Variants in LRPPRC observed in about 807,000 individuals in gnomAD.
LRPPRC encodes the protein leucine-rich PPR motif-containing protein, mitochondrial.
In LRPPRC, 120 loss-of-function variants were observed where a neutral mutation model predicts 180.3. The ratio of observed to expected loss-of-function variants is 0.67; its 90% CI spans 0.57 to 0.77. The LOEUF (loss-of-function observed/expected upper bound fraction) is 0.77. Among genes scored for constraint, LRPPRC ranks in the 30% least tolerant of loss-of-function variants. The probability of loss-of-function intolerance (pLI) is 0.00; values close to 1 mark genes in which losing one functional copy is unlikely to be tolerated. For synonymous variants in LRPPRC, 723 were observed against 600.0 expected (o/e 1.21, Z -3.00); for missense variants, 2,012 against 1,657.2 (o/e 1.21, Z -3.72).
At chr2:43,914,266 A>G (rs1307003369) in intron 29 of LRPPRC, among the ~76,000 whole-genome samples, 2 of 152,152 alleles carry the variant, frequency 1.3e-5, no homozygotes, top group Non-Finnish European at 2.9e-5. Flanking sequence ...GCATTTTAAT[A>G]TACCAAACCC....
chr2:43,940,744 G>A (rs1672449302), intron 23 of LRPPRC, among the ~76,000 whole-genome samples: 1 of 152,084 alleles, frequency 6.6e-6, no homozygotes, highest in African/African-American at 2.4e-5. Context: ...ATATCTGATG[G>A]CCCAGACTTT....
chr2:43,951,313 T>G (rs1358151459), intron 14 of LRPPRC, among the ~76,000 whole-genome samples: 2 of 152,204 alleles, frequency 1.3e-5, no homozygotes, highest in Non-Finnish European at 2.9e-5. Context: ...ACAAAGAGCT[T>G]TAATTCCAAG....
At chr2:43,973,254 T>C (rs1175472730) in intron 11 of LRPPRC, among the ~76,000 whole-genome samples, 1 of 152,180 alleles carries the variant, frequency 6.6e-6, no homozygotes, top group African/African-American at 2.4e-5. Flanking sequence ...CCTAATTGTA[T>C]ATACAACTTT....
At chr2:43,929,098 C>T (rs1471396159) in intron 25 of LRPPRC, among the ~76,000 whole-genome samples, 1 of 152,150 alleles carries the variant, frequency 6.6e-6, no homozygotes, top group Non-Finnish European at 1.5e-5. Flanking sequence ...AAGTTTATGA[C>T]ATCTTTTTAC....
intron 23 of LRPPRC, among the ~76,000 whole-genome samples, chr2:43,937,682 G>T (rs1344595719): frequency 6.6e-6 from 1 of 152,174 alleles, no homozygotes; most frequent in Admixed American, 6.5e-5. Context: ...CACAACAGCT[G>T]AACTCAAGGA....
intron 34 of LRPPRC, among the ~76,000 whole-genome samples, chr2:43,898,424 C>T (rs1670765771): frequency 6.6e-6 from 1 of 152,180 alleles, no homozygotes; most frequent in Non-Finnish European, 1.5e-5. Flanking sequence ...CTCAATTTGA[C>T]ACAGGGAGTC....
chr2:43,966,559 C>A (rs1338305770), intron 11 of LRPPRC, among the ~76,000 whole-genome samples: 1 of 151,578 alleles, frequency 6.6e-6, no homozygotes, highest in Admixed American at 6.6e-5. Context: ...TACAGGCGCA[C>A]GCCACCACGC....
intron 3 of LRPPRC, among the ~76,000 whole-genome samples, chr2:43,978,729 G>A (rs1674169047): frequency 6.6e-6 from 1 of 151,940 alleles, no homozygotes; most frequent in Admixed American, 6.6e-5. Context: ...AAACTGTGAA[G>A]GAAGAATCTG....
Position 43,961,018 on chromosome 2 carries a change from C to T in LRPPRC, c.1489-384G>A, listed in dbSNP as rs986188438. Among the ~76,000 whole-genome samples the T allele has an allele frequency of 2.0e-5, 3 of 152,116 alleles. No individual in the cohort carries two copies. The South Asian group carries it at 6.2e-4, about 32-fold the overall frequency. On this transcript the variant is annotated intron_variant, in intron 12 of 37. Coordinates refer to ENST00000260665, the MANE Select transcript of LRPPRC (RefSeq NM_133259.4). ...AACTCATAGAGGCTCATCACTTGTCCCAACATCATTTGTTTAACAATTTAA... is the reference window on the plus strand; with the variant it reads ...AACTCATAGAGGCTCATCACTTGTCTCAACATCATTTGTTTAACAATTTAA...
In LRPPRC at chr2:43,979,879, A is replaced by G; in HGVS notation, c.416T>C (p.Leu139Pro). Reference sequence around the variant, plus strand: ...ATGAGCAAATTCTGTTCTCTCTTCAAGCTTTAGTTCAGGCAAGAGAGAACC... The same window carrying G: ...ATGAGCAAATTCTGTTCTCTCTTCAGGCTTTAGTTCAGGCAAGAGAGAACC... ...SCGSLLPELK[L>P]EERTEFAHRI... The change falls in exon 3 of 38, where the codon CTT becomes CCT. Residue 139 changes from leucine to proline, a missense_variant. Coordinates refer to ENST00000260665, the MANE Select transcript of LRPPRC (RefSeq NM_133259.4). The G allele has an allele frequency of 6.2e-7, 1 of 1,613,194 alleles. No homozygotes were observed. Among genetic ancestry groups the G allele is most frequent in the Non-Finnish European group, 8.5e-7 (1 of 1,179,206 alleles).
intron 30 of LRPPRC, among the ~76,000 whole-genome samples, chr2:43,909,457 GAT>G (rs1422873231): frequency 6.6e-6 from 1 of 152,166 alleles, no homozygotes; most frequent in South Asian, 2.1e-4. Context: ...GAAATGAGGA[GAT>G]AATGGTTAAA....
At chr2:43,985,696 T>C (rs1478796770) in intron 1 of LRPPRC, among the ~76,000 whole-genome samples, 2 of 152,240 alleles carry the variant, frequency 1.3e-5, no homozygotes, top group African/African-American at 4.8e-5. Context: ...TAATGTTCTT[T>C]TGTAGATATA....
rs755237017 is a variant in LRPPRC at position 43,925,851 on chromosome 2, TCA to T, written c.2805+40_2805+41del. ...GATACAGAGGACCCTTGCCTTCTAC[TCA>T]CACTTTTAGGTGATTGAGACATCTG... On this transcript the variant is annotated intron_variant, in intron 26 of 37. Transcript: ENST00000260665. 5.9e-6 allele frequency: 8 copies of T among 1,361,222 alleles called. No individual in the cohort carries two copies. In the South Asian group the frequency reaches 8.1e-5, roughly 14 times the overall value. The allele number at this position is 1,361,222 out of a possible 1,614,324, so 84.3% of individuals were successfully genotyped here. A position where few individuals can be genotyped will look rare whatever the true frequency, so the allele number is the denominator to read the frequency against.
intron 30 of LRPPRC, among the ~76,000 whole-genome samples, chr2:43,909,771 T>C (rs180859010): frequency 6.6e-6 from 1 of 152,220 alleles, no homozygotes; most frequent in East Asian, 1.9e-4. Flanking sequence ...AATATGTATC[T>C]TTTTACATGT....
intron 1 of LRPPRC, among the ~76,000 whole-genome samples, chr2:43,989,005 G>A (rs1674656376): frequency 1.3e-5 from 2 of 152,124 alleles, no homozygotes; most frequent in African/African-American, 4.8e-5. Flanking sequence ...CTCCCAAGTA[G>A]CTAGGACTAC....
chr2:43,974,438 A>G, intron 8 of LRPPRC, 143 bp from the exon 9 acceptor site: 1 of 820,622 alleles, frequency 1.2e-6, no homozygotes, highest in Non-Finnish European at 2.0e-6. Context: ...AACACCTGCA[A>G]ATCAAATCAT....
At chr2:43,971,904 C>A (rs1328818753) in intron 11 of LRPPRC, among the ~76,000 whole-genome samples, 4 of 152,172 alleles carry the variant, frequency 2.6e-5, no homozygotes, top group Non-Finnish European at 5.9e-5. Flanking sequence ...AACTGACAAT[C>A]TTTTGCACTC....
chr2:43,891,567 T>C (rs562904810), intron 36 of LRPPRC, among the ~76,000 whole-genome samples: 1 of 152,350 alleles, frequency 6.6e-6, no homozygotes, highest in East Asian at 1.9e-4. Context: ...TGGGGGATGC[T>C]ATGAACCATA....
chr2:43,976,100 GC>G (rs1314144861), intron 6 of LRPPRC, 42 bp downstream of exon 6: 1 of 1,129,918 alleles, frequency 8.9e-7, no homozygotes, highest in Non-Finnish European at 1.4e-6. Context: ...TAGCATCTCA[GC>G]CATCTATCAC....
Sources: gnomAD v4.1 joint callset for allele counts (sites outside exome capture counted in the v4.1 genomes callset) on GRCh38, gnomAD v4.1.1 for gene constraint, MANE v1.5 for transcripts, NCBI Gene and HGNC (gene_info 2026-07-23, HGNC 2026-07-21) for gene names.